VSTM2B: variants seen among roughly 807,000 people sequenced by gnomAD.
VSTM2B encodes V-set and transmembrane domain-containing protein 2B.
A neutral mutation model predicts 24.0 loss-of-function variants in VSTM2B; 24 were observed. That is an observed-to-expected ratio of 1.00 (90% CI 0.72 to 1.40). The LOEUF (loss-of-function observed/expected upper bound fraction) is 1.40. VSTM2B is among the 40% of genes most tolerant of loss of function. VSTM2B has a pLI of 0.00. For synonymous variants in VSTM2B, 226 were observed against 194.4 expected (o/e 1.16, Z -1.35); for missense variants, 399 against 416.4 (o/e 0.96, Z 0.36).
intron 2 of VSTM2B, 64 bp from the exon 3 acceptor site, chr19:29,528,369 A>G: frequency 1.3e-6 from 2 of 1,549,598 alleles, no homozygotes; most frequent in Admixed American, 3.9e-5. Flanking sequence ...CTAAAGGCGG[A>G]TCCGAGTTCC....
intron 4 of VSTM2B, among the ~76,000 whole-genome samples, chr19:29,541,456 A>G (rs35818759): frequency 0.058 from 8,864 of 152,110 alleles, 313 homozygotes; most frequent in Middle Eastern, 0.11. Context: ...TGGGAGGAAG[A>G]ATGAATAGAT....
chr19:29,557,805 C>T (rs749338161), intron 4 of VSTM2B, among the ~76,000 whole-genome samples: 69 of 151,870 alleles, frequency 4.5e-4, no homozygotes, highest in Admixed American at 3.5e-3. Context: ...GATTTCATGA[C>T]GAAAGTGTCA....
At chr19:29,530,364 G>T (rs1301733246) in intron 4 of VSTM2B, 74 bp downstream of exon 4, 2 of 1,337,368 alleles carry the variant, frequency 1.5e-6, no homozygotes, top group African/African-American at 1.6e-5. Flanking sequence ...CGCCCCGGGG[G>T]GCTCCGGACC....
At chr19:29,543,568 C>T (rs1219287853) in intron 4 of VSTM2B, among the ~76,000 whole-genome samples, 3 of 152,224 alleles carry the variant, frequency 2.0e-5, no homozygotes, top group Non-Finnish European at 2.9e-5. Context: ...ACCATCCCTG[C>T]CCTTGCATGG....
chr19:29,526,848 C>G lies in VSTM2B; in HGVS notation c.82+183C>G, dbSNP rs1599871991. ...CGAAGGGTCGCCGCAGCAGCAGCGC[C>G]GCGCCCGAGTCGTTCCCAGTCCCGC... is the stretch of plus-strand genomic sequence containing the variant. On this transcript the variant is annotated intron_variant, in intron 1 of 4. Transcript: ENST00000335523. This position sits in a 1 kb window ranked among gnomAD's most constrained non-coding sequence, Gnocchi z 4.1. The G allele has an allele frequency of 7.3e-6, 4 of 551,432 alleles. No individual in the cohort carries two copies. Among genetic ancestry groups the G allele is most frequent in the Non-Finnish European group, 9.0e-6 (3 of 331,874 alleles). 34.2% of individuals were successfully genotyped at this position (551,432 alleles called of 1,614,324 possible). A position where few individuals can be genotyped will look rare whatever the true frequency, so the allele number is the denominator to read the frequency against.
intron 4 of VSTM2B, among the ~76,000 whole-genome samples, chr19:29,533,276 G>A (rs368076970): frequency 9.2e-5 from 14 of 152,298 alleles, no homozygotes; most frequent in African/African-American, 3.1e-4. Flanking sequence ...TCCCTGGAGG[G>A]GCTGATGTCC....
chr19:29,562,737 G>A lies in VSTM2B; in HGVS notation c.770-1109G>A, dbSNP rs969517914. ...CCCACTTTCCAGGTGAGAAGCCCAG[G>A]GTTTATGGGTGGGCTTTCCCCAGTT... On this transcript the variant is annotated intron_variant, in intron 4 of 4. Transcript: ENST00000335523. Among the ~76,000 whole-genome samples the A allele has an allele frequency of 3.9e-5, 6 of 152,198 alleles. No homozygotes were observed. In the East Asian group the frequency reaches 9.6e-4, roughly 24 times the overall value.
chr19:29,531,119 G>A (rs1177197694), intron 4 of VSTM2B, among the ~76,000 whole-genome samples: 1 of 149,610 alleles, frequency 6.7e-6, no homozygotes, highest in Non-Finnish European at 1.5e-5. Context: ...GCGGTGGGGG[G>A]CGGTTATGGA....
At chr19:29,532,542 T>C (rs1317169170) in intron 4 of VSTM2B, among the ~76,000 whole-genome samples, 1 of 152,184 alleles carries the variant, frequency 6.6e-6, no homozygotes, top group East Asian at 1.9e-4. Flanking sequence ...GGGACGTACC[T>C]CTAGGATATT....
At position 29,526,204 on chromosome 19, in the gene VSTM2B, G is replaced by A. The variant is rs1201786337; in HGVS notation, c.-380G>A. The stretch of plus-strand genomic sequence containing the variant: ...CAGGGAGGCAGAAGCTCGCGGCTCC[G>A]TGGCACGCACTCCCTCGGCCAGGGA... On this transcript the variant is annotated 5_prime_UTR_variant, in exon 1 of 5. In the 5' UTR this introduces an upstream ATG that the reference lacks. Coordinates refer to ENST00000335523, the MANE Select transcript of VSTM2B (RefSeq NM_001146339.2). This position sits in a 1 kb window ranked among gnomAD's most constrained non-coding sequence, Gnocchi z 4.1. Among the ~76,000 whole-genome samples, 1 of 152,018 alleles carries A rather than the reference G, an allele frequency of 6.6e-6. No individual in the cohort carries two copies. The highest frequency in any genetic ancestry group is 2.4e-5 in the African/African-American group (1 of 41,410).
chr19:29,552,355 C>G (rs968416332), intron 4 of VSTM2B, among the ~76,000 whole-genome samples: 6 of 152,208 alleles, frequency 3.9e-5, no homozygotes, highest in African/African-American at 1.4e-4. Flanking sequence ...TTGAGGAATC[C>G]TGCATAGGCA....
In VSTM2B at chr19:29,564,014, G is replaced by C. The variant is rs760704830; in HGVS notation, c.*80G>C. Reference sequence around the variant, plus strand: ...TCGGTGAGGACCATGTCGCTGGATGGACACAGAGAGACTGAGAGACGCATG... The same window carrying C: ...TCGGTGAGGACCATGTCGCTGGATGCACACAGAGAGACTGAGAGACGCATG... On this transcript the variant is annotated 3_prime_UTR_variant, in exon 5 of 5. Transcript: ENST00000335523. The C allele has an allele frequency of 6.8e-4, 717 of 1,050,602 alleles. No homozygotes were observed. The highest frequency in any genetic ancestry group is 9.4e-4 in the Non-Finnish European group (658 of 702,886). 65.1% of individuals were successfully genotyped at this position (1,050,602 alleles called of 1,614,324 possible).
At chr19:29,530,479 C>T (rs1969728098) in intron 4 of VSTM2B, among the ~76,000 whole-genome samples, 189 bp downstream of exon 4, 1 of 152,230 alleles carries the variant, frequency 6.6e-6, no homozygotes. Flanking sequence ...GTCTTTACTC[C>T]TGGCCTCTGG....
intron 4 of VSTM2B, among the ~76,000 whole-genome samples, chr19:29,531,025 G>A (rs1285735931): frequency 6.7e-6 from 1 of 148,264 alleles, no homozygotes; most frequent in East Asian, 2.0e-4. Flanking sequence ...TGAGAAGGCA[G>A]AAGGAGGAGA....
At chr19:29,537,116 G>T (rs149187620) in intron 4 of VSTM2B, among the ~76,000 whole-genome samples, 2 of 152,138 alleles carry the variant, frequency 1.3e-5, no homozygotes, top group African/African-American at 2.4e-5. Context: ...CCTTACATAA[G>T]GGCTGCAGGG....
chr19:29,547,116 A>C (rs7252179), intron 4 of VSTM2B, among the ~76,000 whole-genome samples: 13,733 of 152,246 alleles, frequency 0.09, 756 homozygotes, highest in Middle Eastern at 0.15. Context: ...TAGCAAATAA[A>C]AATATAGGAC....
intron 2 of VSTM2B, among the ~76,000 whole-genome samples, chr19:29,527,814 G>A (rs949321993): frequency 6.6e-6 from 1 of 152,142 alleles, no homozygotes. Flanking sequence ...AGAAAACCGA[G>A]TACCGGAAAG....
intron 4 of VSTM2B, among the ~76,000 whole-genome samples, chr19:29,555,695 G>T (rs1210120829): frequency 6.6e-6 from 1 of 151,366 alleles, no homozygotes; most frequent in Admixed American, 6.6e-5. Context: ...AAAGAAGAAT[G>T]AAATAGAAAA....
At chr19:29,539,009 G>C (rs185860053) in intron 4 of VSTM2B, among the ~76,000 whole-genome samples, 1 of 152,150 alleles carries the variant, frequency 6.6e-6, no homozygotes, top group Non-Finnish European at 1.5e-5. Flanking sequence ...ATTGCAAATG[G>C]CTCGGAGAGT....
Sources: allele counts gnomAD v4.1 joint callset (sites outside exome capture counted in the v4.1 genomes callset), GRCh38; gene constraint gnomAD v4.1.1; non-coding constraint Gnocchi (gnomAD v3.1); transcripts MANE v1.5; gene names NCBI Gene and HGNC (gene_info 2026-07-23, HGNC 2026-07-21).